The following SIN3B variants were observed in gnomAD, a reference collection of about 807,000 sequenced individuals.
SIN3B encodes SIN3 transcription regulator family member B.
Under a neutral mutation model 120.2 loss-of-function variants are expected in SIN3B, and 19 were observed. The observed-to-expected ratio is 0.16, with a 90% CI of 0.11 to 0.23. The LOEUF (loss-of-function observed/expected upper bound fraction) is 0.23. Ranked by LOEUF, SIN3B falls within the 10% of genes least tolerant of loss-of-function variation. The pLI is 1.00. For synonymous variants in SIN3B, 654 were observed against 653.2 expected (o/e 1.00, Z -0.02); for missense variants, 1,073 against 1,573.0 (o/e 0.68, Z 5.38).
chr19:16,862,359 C>A lies in SIN3B; in HGVS notation c.1066C>A (p.Pro356Thr), dbSNP rs778510867. ...GTGTCTTTATCTTTGAAGGAAATTT[C>A]CAGAACTCTTTGCACAGTTCAAGTC... Reference protein sequence around the residue: ...QLVSPFLGKFPELFAQFKSFL... With the variant: ...QLVSPFLGKFTELFAQFKSFL... Residue 356 changes from proline to threonine, a missense_variant, in exon 9 of 19, where the codon CCA becomes ACA. Coordinates refer to ENST00000248054, the MANE Select transcript of SIN3B (RefSeq NM_001297595.2). The surrounding 1 kb of genome is among the most constrained non-coding windows in gnomAD (Gnocchi z 4.7). 1 of 1,610,708 alleles carries A rather than the reference C, an allele frequency of 6.2e-7. No individual in the cohort carries two copies. The highest frequency in any genetic ancestry group is 8.5e-7 in the Non-Finnish European group (1 of 1,177,064).
chr19:16,867,880 C>T (rs1477266023), intron 12 of SIN3B, among the ~76,000 whole-genome samples: 4 of 152,172 alleles, frequency 2.6e-5, no homozygotes, highest in Non-Finnish European at 4.4e-5. Flanking sequence ...AAGCCCAAGA[C>T]CCCGTATAGG....
chr19:16,868,547 A>C (rs996729734), intron 12 of SIN3B, among the ~76,000 whole-genome samples: 10 of 152,184 alleles, frequency 6.6e-5, no homozygotes, highest in African/African-American at 2.4e-4. Context: ...ATCTAGATAA[A>C]GACCAAGGGG....
intron 6 of SIN3B, among the ~76,000 whole-genome samples, chr19:16,852,343 A>G (rs929503346): frequency 1.3e-5 from 2 of 152,196 alleles, no homozygotes; most frequent in Non-Finnish European, 1.5e-5. Flanking sequence ...TGGCACAGTC[A>G]GCCTTGACCT....
rs1455444064 is a variant in SIN3B at position 16,876,586 on chromosome 19, C to T, written c.2859+8C>T. On this transcript the variant is annotated splice_region_variant and intron_variant, in intron 16 of 18. Transcript: ENST00000248054. The surrounding 1 kb of genome is among the most constrained non-coding windows in gnomAD (Gnocchi z 7.1). The stretch of plus-strand genomic sequence containing the variant: ...GACCCTGTGGAGGTCCAGGTGAGGC[C>T]CTGGCCCCAGTCTGTGCCACGCATA... 1 of 1,609,812 alleles carries T rather than the reference C, an allele frequency of 6.2e-7. No homozygotes were observed. The highest frequency in any genetic ancestry group is 8.5e-7 in the Non-Finnish European group (1 of 1,177,124).
At chr19:16,868,962 G>A (rs927096036) in intron 12 of SIN3B, among the ~76,000 whole-genome samples, 2 of 152,154 alleles carry the variant, frequency 1.3e-5, no homozygotes, top group Non-Finnish European at 2.9e-5. Context: ...GAGGCAGAGA[G>A]GTCACGGCTC....
chr19:16,871,903 CA>C (rs2051516745), intron 14 of SIN3B, among the ~76,000 whole-genome samples: 1 of 152,206 alleles, frequency 6.6e-6, no homozygotes, highest in African/African-American at 2.4e-5. Flanking sequence ...TCCCTGTTGA[CA>C]AACCTTTCTT....
At chr19:16,831,436 A>T in intron 2 of SIN3B, 58 bp from the exon 3 acceptor site, 1 of 1,550,110 alleles carries the variant, frequency 6.5e-7, no homozygotes, top group Admixed American at 1.7e-5. Context: ...TGGGGAATAG[A>T]TTATATTTTT....
rs749177765 is a variant in SIN3B, at chr19:16,865,499, G to A, written c.1473G>A (p.Gln491=). The A allele has an allele frequency of 3.7e-6, 6 of 1,611,410 alleles. No individual in the cohort carries two copies. The highest frequency in any genetic ancestry group is 1.7e-6 in the Non-Finnish European group (2 of 1,178,882). Residue 491 remains glutamine (Q), a synonymous_variant, in exon 11 of 19, where the codon CAG becomes CAA. Transcript: ENST00000248054. The stretch of plus-strand genomic sequence containing the variant: ...TGTCTCGGATGGCGCCGGAAGACCA[G>A]GAGAAGTTCCGGCTGGACGACTCCC... ...KKLSRMAPED[Q]EKFRLDDSLG... is the part of the protein sequence containing the mutation.
chr19:16,879,009 C>T lies in SIN3B; in HGVS notation c.*282C>T. 4.0e-6 allele frequency: 2 copies of T among 500,350 alleles called. No homozygotes were observed. The highest frequency in any genetic ancestry group is 3.4e-5 in the East Asian group (1 of 29,506). 31.0% of individuals were successfully genotyped at this position (500,350 alleles called of 1,614,324 possible). On this transcript the variant is annotated 3_prime_UTR_variant, in exon 19 of 19. Coordinates refer to ENST00000248054, the MANE Select transcript of SIN3B (RefSeq NM_001297595.2). Reference sequence around the variant, plus strand: ...GAGGAACAAGCAATCATGTTTGCGTCCCCGTCCGTCACATGTGCCAAATCC... The same window carrying T: ...GAGGAACAAGCAATCATGTTTGCGTTCCCGTCCGTCACATGTGCCAAATCC...
rs1320056070 is a variant in SIN3B, at chr19:16,865,599, G to A, written c.1573G>A (p.Glu525Lys). The A allele has an allele frequency of 7.4e-6, 12 of 1,612,350 alleles. No homozygotes were observed. The highest frequency in any genetic ancestry group is 9.3e-6 in the Non-Finnish European group (11 of 1,179,154). The stretch of plus-strand genomic sequence containing the variant: ...TGGCGACAAGGCCCCGGAGATCATC[G>A]AGAGCCTCAAGAAGAACCCTGTCAC... ...IYGDKAPEII[E>K]SLKKNPVTAV... The change falls in exon 11 of 19, where the codon GAG becomes AAG. Residue 525 changes from glutamate to lysine, a missense_variant. Physicochemically the swap from Glu to Lys is moderately conservative, Grantham distance 56. Around this residue, in one of 7 missense-constraint regions of SIN3B, gnomAD observed 118 missense variants for 281.6 expected, o/e 0.42. Coordinates refer to ENST00000248054, the MANE Select transcript of SIN3B (RefSeq NM_001297595.2).
intron 3 of SIN3B, among the ~76,000 whole-genome samples, chr19:16,839,617 C>T (rs1971391720): frequency 6.6e-6 from 1 of 152,146 alleles, no homozygotes; most frequent in Admixed American, 6.5e-5. Flanking sequence ...ACACCCTGCT[C>T]GTTCCGACCC....
In SIN3B at chr19:16,831,569, C is replaced by T. The variant is rs920953077; in HGVS notation, c.303C>T (p.Asn101=). 9.9e-6 allele frequency: 16 copies of T among 1,613,812 alleles called. No homozygotes were observed. The highest frequency in any genetic ancestry group is 3.3e-5 in the Admixed American group (2 of 59,974). The change falls in exon 3 of 19, where the codon AAC becomes AAT. Residue 101 remains asparagine (N), a synonymous_variant. Coordinates refer to ENST00000248054, the MANE Select transcript of SIN3B (RefSeq NM_001297595.2). The part of the protein sequence containing the change: ...HEHPDLIVGF[N]AFLPLGYRID... ...ACCCTGACCTCATTGTTGGATTCAA[C>T]GCTTTTCTTCCCCTCGGATATAGAA...
chr19:16,863,505 T>C (rs1971717824), intron 9 of SIN3B, 175 bp from the exon 10 acceptor site: 1 of 605,408 alleles, frequency 1.7e-6, no homozygotes. Context: ...GAGTGTCCAC[T>C]TGACCAAAGT....
intron 4 of SIN3B, among the ~76,000 whole-genome samples, chr19:16,845,832 T>A (rs575207383): frequency 4.7e-4 from 72 of 152,224 alleles, no homozygotes; most frequent in Non-Finnish European, 9.4e-4. Flanking sequence ...AGCAATCCTC[T>A]TGCCTCAGCC....
chr19:16,869,785 A>T lies in SIN3B; in HGVS notation c.2132A>T (p.Glu711Val), dbSNP rs2051483294. ...CCAGGACCCCACAGTAGCCCCCCAGAGGAGAAGGGGGCCTTCGGGGATGCC... is the reference window on the plus strand; with the variant it reads ...CCAGGACCCCACAGTAGCCCCCCAGTGGAGAAGGGGGCCTTCGGGGATGCC... ...PAPGPHSSPP[E>V]EKGAFGDAPA... The change falls in exon 13 of 19, where the codon GAG becomes GTG. Residue 711 changes from glutamate (E) to valine (V), a missense_variant. Coordinates refer to ENST00000248054, the MANE Select transcript of SIN3B (RefSeq NM_001297595.2). The T allele has an allele frequency of 1.9e-6, 3 of 1,613,650 alleles. No homozygotes were observed. Among genetic ancestry groups the T allele is most frequent in the African/African-American group, 2.7e-5 (2 of 75,058 alleles).
chr19:16,876,623 C>T lies in SIN3B; in HGVS notation c.2859+45C>T. The T allele has an allele frequency of 6.7e-7, 1 of 1,498,622 alleles. No homozygotes were observed. Among genetic ancestry groups the T allele is most frequent in the Non-Finnish European group, 9.2e-7 (1 of 1,081,842 alleles). The allele number at this position is 1,498,622 out of a possible 1,614,324, so 92.8% of individuals were successfully genotyped here. ...CTGTGCCACGCATACCAGGGAGCGC[C>T]TGAGGGCAGCAGCATGGGGCTCCCA... On this transcript the variant is annotated intron_variant, in intron 16 of 18. Transcript: ENST00000248054. The surrounding 1 kb of genome is among the most constrained non-coding windows in gnomAD (Gnocchi z 7.1).
intron 3 of SIN3B, among the ~76,000 whole-genome samples, chr19:16,834,904 TC>T (rs1173358087): frequency 6.6e-6 from 1 of 151,780 alleles, no homozygotes; most frequent in Admixed American, 6.6e-5. Flanking sequence ...TGATATTCTT[TC>T]TTTCTTTCTT....
In SIN3B at chr19:16,878,404, C is replaced by T. The variant is rs1251291393; in HGVS notation, c.3162+14C>T. ...CGGGCCAAGCAGGTGCCAGGGGAGGCCTGGGCTGCCCCGACATGCCCCTCC... is the reference window on the plus strand; with the variant it reads ...CGGGCCAAGCAGGTGCCAGGGGAGGTCTGGGCTGCCCCGACATGCCCCTCC... On this transcript the variant is annotated intron_variant, in intron 18 of 18. Transcript: ENST00000248054. 1 of 1,607,078 alleles carries T rather than the reference C, an allele frequency of 6.2e-7. No homozygotes were observed. The highest frequency in any genetic ancestry group is 8.5e-7 in the Non-Finnish European group (1 of 1,177,270).
chr19:16,834,355 C>G (rs188771180), intron 3 of SIN3B, among the ~76,000 whole-genome samples: 4 of 152,268 alleles, frequency 2.6e-5, no homozygotes, highest in African/African-American at 9.6e-5. Flanking sequence ...CAGCAGAGTC[C>G]CTGCCCGTGG....
Sources: allele counts gnomAD v4.1 joint callset (sites outside exome capture counted in the v4.1 genomes callset), GRCh38; gene constraint gnomAD v4.1.1; regional missense constraint gnomAD v4.1.1; non-coding constraint Gnocchi (gnomAD v3.1); transcripts MANE v1.5; gene names NCBI Gene and HGNC (gene_info 2026-07-23, HGNC 2026-07-21).